The following UAP1 variants were observed in gnomAD, a reference collection of about 807,000 sequenced individuals.
UAP1 encodes the protein UDP-N-acetylglucosamine pyrophosphorylase 1.
Under a neutral mutation model 58.5 loss-of-function variants are expected in UAP1, and 25 were observed. That is an observed-to-expected ratio of 0.43 (90% confidence interval 0.31 to 0.60). The LOEUF (loss-of-function observed/expected upper bound fraction) is 0.60. Among genes scored for constraint, UAP1 ranks in the 20% least tolerant of loss-of-function variants. UAP1 has a pLI of 0.11. For synonymous variants in UAP1, 208 were observed against 213.0 expected (o/e 0.98, Z 0.21); for missense variants, 575 against 630.0 (o/e 0.91, Z 0.93).
At chr1:162,566,783 C>T (rs369689811) in intron 2 of UAP1, among the ~76,000 whole-genome samples, 90 of 152,176 alleles carry the variant, frequency 5.9e-4, no homozygotes, top group African/African-American at 2.0e-3. Flanking sequence ...TGCACTACCA[C>T]GCCTGGCTAA....
chr1:162,592,953 T>C, intron 9 of UAP1, 171 bp downstream of exon 9: 1 of 580,008 alleles, frequency 1.7e-6, no homozygotes, highest in Non-Finnish European at 3.1e-6. Context: ...TGGATGACAC[T>C]AACTCAGAAT....
downstream of UAP1, among the ~76,000 whole-genome samples, chr1:162,600,964 TTTA>T (rs1363167556): frequency 2.6e-5 from 4 of 152,174 alleles, no homozygotes; most frequent in Non-Finnish European, 5.9e-5. Context: ...CCACCTGCTA[TTTA>T]TTCTTCTCCT....
chr1:162,599,179 C>A, intron 10 of UAP1, 92 bp from the exon 11 acceptor site: 1 of 701,442 alleles, frequency 1.4e-6, no homozygotes, highest in Non-Finnish European at 2.4e-6. Context: ...CCTTTTTTGG[C>A]ATTTGTGCTT....
chr1:162,579,566 T>C, exon 4 of UAP1: 1 of 1,605,458 alleles, frequency 6.2e-7, no homozygotes, highest in South Asian at 1.1e-5. Context: ...ATGGGAAAAT[T>C]ATTTTGGAAG....
chr1:162,581,578 CTAAAG>C, intron 5 of UAP1, 119 bp downstream of exon 5: 1 of 1,064,402 alleles, frequency 9.4e-7, no homozygotes, highest in Non-Finnish European at 1.3e-6. Flanking sequence ...ATTTATCTCT[CTAAAG>C]TAACTAAACG....
chr1:162,577,309 A>G (rs539714483), intron 3 of UAP1, among the ~76,000 whole-genome samples: 1 of 151,970 alleles, frequency 6.6e-6, no homozygotes, highest in South Asian at 2.1e-4. Flanking sequence ...CCTCTTCCGC[A>G]TACACACCAG....
chr1:162,586,546 A>G lies in UAP1; in HGVS notation c.835-929A>G, dbSNP rs140483661. ...TTTCACCTTGTTGCCTAGGTTGACAAATATTTTTTATTGTTTGTTTCTTCG... is the reference window on the plus strand; with the variant it reads ...TTTCACCTTGTTGCCTAGGTTGACAGATATTTTTTATTGTTTGTTTCTTCG... On this transcript the variant is annotated intron_variant, in intron 5 of 10. Coordinates refer to ENST00000271469, the Ensembl canonical transcript of UAP1. Among the ~76,000 whole-genome samples, 509 of 152,230 alleles carry G rather than the reference A, an allele frequency of 3.3e-3. 3 individuals carry two copies. Among genetic ancestry groups the G allele is most frequent in the African/African-American group, 0.012 (486 of 41,526 alleles).
intron 3 of UAP1, among the ~76,000 whole-genome samples, chr1:162,578,304 G>A (rs1307280708): frequency 1.3e-5 from 2 of 152,222 alleles, no homozygotes; most frequent in Admixed American, 6.5e-5. Context: ...GTCAGCAGGT[G>A]CCCTCAGGAC....
chr1:162,595,534 G>A (rs566650737), intron 9 of UAP1, among the ~76,000 whole-genome samples: 3 of 152,258 alleles, frequency 2.0e-5, no homozygotes, highest in South Asian at 4.1e-4. Context: ...GTAGAGAGGT[G>A]TGTGCCCCAC....
At chr1:162,589,579 A>C (rs1163997587) in intron 7 of UAP1, among the ~76,000 whole-genome samples, 1 of 152,038 alleles carries the variant, frequency 6.6e-6, no homozygotes, top group Non-Finnish European at 1.5e-5. Flanking sequence ...TGTTTCAGTA[A>C]ACATGTTTTT....
chr1:162,577,898 C>A (rs1210786151), intron 3 of UAP1, among the ~76,000 whole-genome samples: 4 of 152,036 alleles, frequency 2.6e-5, no homozygotes, highest in Non-Finnish European at 5.9e-5. Context: ...GCATGAGCCA[C>A]CGCACCCGGC....
chr1:162,579,382 G>A (rs1654438925), intron 3 of UAP1, 46 bp from the exon 4 acceptor site: 2 of 1,328,726 alleles, frequency 1.5e-6, no homozygotes, highest in Admixed American at 2.8e-5. Context: ...TTTTGCCCTA[G>A]TCCACCTAGC....
At chr1:162,585,099 G>T (rs1461432265) in intron 5 of UAP1, among the ~76,000 whole-genome samples, 1 of 152,068 alleles carries the variant, frequency 6.6e-6, no homozygotes, top group Non-Finnish European at 1.5e-5. Context: ...ATGTTGGCCA[G>T]GCTGGTCTCT....
At chr1:162,600,646 C>CTT (rs765693902), downstream of UAP1, among the ~76,000 whole-genome samples, 3 of 140,294 alleles carry the variant, frequency 2.1e-5, no homozygotes, top group Non-Finnish European at 3.1e-5. Flanking sequence ...TTAAGGATCA[C>CTT]TTTTTTTTTT....
At chr1:162,565,907 A>C (rs1296187348) in intron 1 of UAP1, 105 bp from the exon 2 acceptor site, 1 of 730,118 alleles carries the variant, frequency 1.4e-6, no homozygotes, top group Non-Finnish European at 2.2e-6. Flanking sequence ...GCAGAAGTTA[A>C]TTTTTTTAAC....
intron 2 of UAP1, among the ~76,000 whole-genome samples, chr1:162,572,554 C>T (rs1653931619): frequency 6.6e-6 from 1 of 152,070 alleles, no homozygotes; most frequent in South Asian, 2.1e-4. Flanking sequence ...AAGGTTGGCA[C>T]CATGTTAAGA....
chr1:162,583,402 C>T (rs1654721307), intron 5 of UAP1, among the ~76,000 whole-genome samples: 1 of 152,002 alleles, frequency 6.6e-6, no homozygotes, highest in African/African-American at 2.4e-5. Context: ...ATCCACACAC[C>T]TCAGCCTCCC....
intron 8 of UAP1, among the ~76,000 whole-genome samples, chr1:162,592,511 A>G (rs906218096): frequency 2.0e-5 from 3 of 152,086 alleles, no homozygotes; most frequent in African/African-American, 7.2e-5. Context: ...TGGGCTCTGT[A>G]TTGTCAACAA....
intron 2 of UAP1, among the ~76,000 whole-genome samples, chr1:162,567,319 C>T (rs1038728483): frequency 1.3e-5 from 2 of 152,100 alleles, no homozygotes; most frequent in Admixed American, 6.5e-5. Flanking sequence ...AAGAACAGCC[C>T]ATGTACTAGT....
Sources: allele counts gnomAD v4.1 joint callset (sites outside exome capture counted in the v4.1 genomes callset), GRCh38; gene constraint gnomAD v4.1.1; transcripts MANE v1.5; gene names NCBI Gene and HGNC (gene_info 2026-07-23, HGNC 2026-07-21).